DIP2A: variants seen among roughly 807,000 people sequenced by gnomAD.
DIP2A encodes the protein DIP2 acetate--CoA ligase A, also known as disco-interacting protein 2 homolog A.
In DIP2A, 85 loss-of-function variants were observed where a neutral mutation model predicts 177.4. The ratio of observed to expected loss-of-function variants is 0.48; its 90% CI spans 0.40 to 0.57. The LOEUF (loss-of-function observed/expected upper bound fraction) is 0.57, where lower values mean the gene tolerates loss of function less well. DIP2A is among the 20% of genes least tolerant of loss of function. DIP2A has a pLI of 0.00. For missense variants in DIP2A, 1,791 were observed against 2,100.2 expected, an observed-to-expected ratio of 0.85 and a Z score of 2.88; for synonymous variants, 886 against 881.8, an observed-to-expected ratio of 1.00 and a Z score of -0.08.
chr21:46,528,091 T>G (rs1236515095), intron 8 of DIP2A, among the ~76,000 whole-genome samples: 1 of 152,072 alleles, frequency 6.6e-6, no homozygotes, highest in Non-Finnish European at 1.5e-5. Flanking sequence ...TGGCGTGAGG[T>G]CCTGATGGCT....
chr21:46,532,991 A>G (rs2059415444), intron 10 of DIP2A, among the ~76,000 whole-genome samples: 1 of 152,222 alleles, frequency 6.6e-6, no homozygotes. Flanking sequence ...ATAATATGTG[A>G]TGGGCAGGTA....
At chr21:46,514,618 T>C (rs867168077) in intron 8 of DIP2A, among the ~76,000 whole-genome samples, 1 of 32,340 alleles carries the variant, frequency 3.1e-5, no homozygotes, top group African/African-American at 2.0e-4. Context: ...ACTTTTATTC[T>C]TTTTTTTTTT....
intron 13 of DIP2A, 115 bp downstream of exon 13, chr21:46,534,802 G>C: frequency 2.3e-6 from 2 of 863,592 alleles, no homozygotes; most frequent in East Asian, 2.7e-5. Context: ...TAGTGCCTTT[G>C]CCCATTAATC....
intron 8 of DIP2A, among the ~76,000 whole-genome samples, chr21:46,514,452 A>G (rs1322573025): frequency 2.0e-5 from 3 of 151,042 alleles, no homozygotes; most frequent in Non-Finnish European, 4.4e-5. Flanking sequence ...AAAAAAAATG[A>G]TGACTTTGTA....
At chr21:46,480,665 G>C (rs967084564) in intron 1 of DIP2A, among the ~76,000 whole-genome samples, 4 of 152,152 alleles carry the variant, frequency 2.6e-5, no homozygotes, top group African/African-American at 9.7e-5. Flanking sequence ...TGGCAGCAAG[G>C]GAAAGGCCAA....
chr21:46,509,905 G>T (rs1027117982), intron 7 of DIP2A, among the ~76,000 whole-genome samples: 3 of 152,164 alleles, frequency 2.0e-5, no homozygotes, highest in African/African-American at 4.8e-5. Flanking sequence ...TTGGCTGTTT[G>T]TACAGTGACA....
intron 3 of DIP2A, among the ~76,000 whole-genome samples, chr21:46,493,883 G>A (rs1182354868): frequency 1.3e-5 from 2 of 152,110 alleles, no homozygotes; most frequent in Non-Finnish European, 2.9e-5. Flanking sequence ...ACCCATAGTC[G>A]AGCTCCAGAA....
rs549992634 is a variant in DIP2A, at chr21:46,568,739, T to G, written c.*1117T>G. ...ATTCTTCTCGTGGAAGTGTACTGAT[T>G]TATTATTTTTATTCCAAGTCAGCAG... is the stretch of plus-strand genomic sequence containing the variant. On this transcript the variant is annotated 3_prime_UTR_variant, in exon 38 of 38. Transcript: ENST00000417564. 6.6e-6 allele frequency: 1 copy of G among 152,300 alleles called. No individual in the cohort carries two copies. Among genetic ancestry groups the G allele is most frequent in the East Asian group, 1.9e-4 (1 of 5,182 alleles). The allele number at this position is 152,300 out of a possible 1,614,324, so 9.4% of individuals were successfully genotyped here.
In DIP2A at chr21:46,539,925, G is replaced by A. The variant is rs373508209; in HGVS notation, c.1970G>A (p.Gly657Asp). The change falls in exon 17 of 38, where the codon GGT becomes GAT. Residue 657 changes from glycine (G) to aspartate (D), a missense_variant. Gly to Asp is a moderately conservative substitution (Grantham distance 94). Transcript: ENST00000417564. ...DAFLNVFQSR[G>D]LRPEVICPCA... ...TTCCTCAACGTCTTCCAGTCCAGAG[G>A]TCTGAGGCCAGAGGTCATCTGTCCT... The A allele has an allele frequency of 6.2e-7, 1 of 1,614,062 alleles. No homozygotes were observed. Among genetic ancestry groups the A allele is most frequent in the Admixed American group, 1.7e-5 (1 of 60,028 alleles).
At position 46,480,175 on chromosome 21, in the gene DIP2A, A is replaced by C. The variant is rs188565184; in HGVS notation, c.92-4582A>C. 3.1e-3 allele frequency among the ~76,000 whole-genome samples: 468 copies of C among 152,230 alleles called. 1 individual carries two copies. The highest frequency in any genetic ancestry group is 4.8e-3 in the Non-Finnish European group (325 of 68,006). ...CCGAGACTTGGTAATTTATAAAGGA[A>C]AGAGGTTTAATGGACACACAGTTCC... On this transcript the variant is annotated intron_variant, in intron 1 of 37. Transcript: ENST00000417564.
At chr21:46,561,188 C>T (rs912807013) in intron 33 of DIP2A, 31 of 336,966 alleles carry the variant, frequency 9.2e-5, no homozygotes, top group South Asian at 8.2e-4. Flanking sequence ...GTTTCTTACC[C>T]GATGACCCAT....
downstream of DIP2A, among the ~76,000 whole-genome samples, chr21:46,573,645 C>CAAAAAAAAAAAAAAAAAAAAAAAAAAA (rs201994694): frequency 2.5e-4 from 13 of 52,978 alleles, no homozygotes; most frequent in Non-Finnish European, 3.7e-4. Context: ...CCCTCTCTCA[C>CAAAAAAAAAAAAAAAAAAAAAAAAAAA]AAAAAAAAAA....
At position 46,498,507 on chromosome 21, in the gene DIP2A, C is replaced by T. The variant is rs2057476790; in HGVS notation, c.404-75C>T. 6 of 1,529,826 alleles carry T rather than the reference C, an allele frequency of 3.9e-6. No individual in the cohort carries two copies. The highest frequency in any genetic ancestry group is 3.5e-6 in the Non-Finnish European group (4 of 1,132,580). The allele number at this position is 1,529,826 out of a possible 1,614,324, so 94.8% of individuals were successfully genotyped here. A position where few individuals can be genotyped will look rare whatever the true frequency, so the allele number is the denominator to read the frequency against. On this transcript the variant is annotated intron_variant, in intron 4 of 37. Coordinates refer to ENST00000417564, the MANE Select transcript of DIP2A (RefSeq NM_015151.4). The surrounding 1 kb of genome is among the most constrained non-coding windows in gnomAD (Gnocchi z 4.3). ...ATGCTGCACACAGGTCTGGGAGGCT[C>T]CAGTGTGAGTGGGAACTCCGTCCTC...
At chr21:46,549,707 G>A in intron 21 of DIP2A, 64 bp from the exon 22 acceptor site, 1 of 1,597,194 alleles carries the variant, frequency 6.3e-7, no homozygotes, top group Non-Finnish European at 8.5e-7. Context: ...TCGTGAGGGT[G>A]AGAATGCATC....
intron 1 of DIP2A, among the ~76,000 whole-genome samples, chr21:46,465,000 G>A (rs2054686454): frequency 6.6e-6 from 1 of 151,692 alleles, no homozygotes; most frequent in Non-Finnish European, 1.5e-5. Flanking sequence ...TGTTGTTTCA[G>A]GAAAGCAGAA....
chr21:46,469,652 C>G (rs548237039), intron 1 of DIP2A, among the ~76,000 whole-genome samples: 1 of 152,338 alleles, frequency 6.6e-6, no homozygotes, highest in South Asian at 2.1e-4. Flanking sequence ...AATACCAAGG[C>G]TCTTTCCCAG....
chr21:46,551,650 A>G lies in DIP2A; in HGVS notation c.2856A>G (p.Ser952=). ...RQKQPEVGPA[S]MIVGNLVAGK... ...CGTTTCTAGAGGTTGGACCAGCCTC[A>G]ATGATCGTGGGGAACCTGGTTGCTG... is the stretch of plus-strand genomic sequence containing the variant. Residue 952 remains serine, a synonymous_variant, in exon 24 of 38, where the codon TCA becomes TCG. Transcript: ENST00000417564. The G allele has an allele frequency of 6.2e-7, 1 of 1,613,986 alleles. No individual in the cohort carries two copies.
intron 8 of DIP2A, among the ~76,000 whole-genome samples, chr21:46,518,037 G>A (rs750894217): frequency 1.3e-5 from 2 of 152,212 alleles, no homozygotes; most frequent in Admixed American, 6.5e-5. Context: ...TCTCCTACTC[G>A]GAAGCAGAGT....
chr21:46,554,856 C>T lies in DIP2A; in HGVS notation c.3311C>T (p.Ala1104Val). Residue 1104 changes from alanine to valine, a missense_variant, in exon 28 of 38, where the codon GCT (alanine) becomes GTT (valine). Physicochemically the swap from Ala to Val is moderately conservative, Grantham distance 64 (BLOSUM62 0). Transcript: ENST00000417564. ...TCTGCATGCGTCCTCACCACGCAGGCTGTCACACGGCTGCTCAGGTCCAAG... is the reference window on the plus strand; with the variant it reads ...TCTGCATGCGTCCTCACCACGCAGGTTGTCACACGGCTGCTCAGGTCCAAG... Reference protein sequence around the residue: ...SKSACVLTTQAVTRLLRSKEA... With the variant: ...SKSACVLTTQVVTRLLRSKEA... The T allele has an allele frequency of 6.5e-7, 1 of 1,550,036 alleles. No individual in the cohort carries two copies. Among genetic ancestry groups the T allele is most frequent in the South Asian group, 1.2e-5 (1 of 83,998 alleles).
Sources: allele counts gnomAD v4.1 joint callset (sites outside exome capture counted in the v4.1 genomes callset), GRCh38; gene constraint gnomAD v4.1.1; non-coding constraint Gnocchi (gnomAD v3.1); transcripts MANE v1.5; gene names NCBI Gene and HGNC (gene_info 2026-07-23, HGNC 2026-07-21).